The following ADCK5 variants were observed in gnomAD, a reference collection of about 807,000 sequenced individuals.
The protein encoded by ADCK5 is uncharacterized aarF domain-containing protein kinase 5.
A neutral mutation model predicts 64.9 loss-of-function variants in ADCK5; 43 were observed. The observed-to-expected ratio is 0.66, with a 90% CI of 0.52 to 0.85. The LOEUF (loss-of-function observed/expected upper bound fraction) is 0.85, where lower values mean the gene tolerates loss of function less well. Ranked by LOEUF, ADCK5 falls within the 40% of genes least tolerant of loss-of-function variation. The pLI is 0.00. For missense variants in ADCK5, 760 were observed against 810.5 expected (o/e 0.94, Z 0.76); for synonymous variants, 434 against 342.8 (o/e 1.27, Z -2.94).
At position 144,393,115 on chromosome 8, in the gene ADCK5, G is replaced by C. The variant is rs370327410; in HGVS notation, c.*41G>C. 4.0e-6 allele frequency: 6 copies of C among 1,488,942 alleles called. No individual in the cohort carries two copies. The highest frequency in any genetic ancestry group is 2.3e-5 in the Admixed American group (1 of 43,054). 92.2% of individuals were successfully genotyped at this position (1,488,942 alleles called of 1,614,324 possible). ...GGCCGGCGGGGCCCTTTTCACCTTG[G>C]GCTGACGGAGGTGGCGGGGCTAGAG... On this transcript the variant is annotated 3_prime_UTR_variant, in exon 15 of 15. Transcript: ENST00000308860.
In ADCK5 at chr8:144,391,634, G is replaced by A. The variant is rs1554860652; in HGVS notation, c.853G>A (p.Ala285Thr). 3.2e-6 allele frequency: 5 copies of A among 1,558,626 alleles called. No individual in the cohort carries two copies. Among genetic ancestry groups the A allele is most frequent in the South Asian group, 1.2e-5 (1 of 85,580 alleles). Reference sequence around the variant, plus strand: ...GGACTTCGAGAATGAGGGCCGCAACGCAGAGCGCTGTGCGCGGGAGCTGGC... The same window carrying A: ...GGACTTCGAGAATGAGGGCCGCAACACAGAGCGCTGTGCGCGGGAGCTGGC... The part of the protein sequence containing the change: ...ELDFENEGRN[A>T]ERCARELAHF... The change falls in exon 8 of 15, where the codon GCA becomes ACA. Residue 285 changes from alanine to threonine, a missense_variant. Physicochemically the swap from Ala to Thr is moderately conservative, Grantham distance 58. Around this residue, in one of 2 missense-constraint regions of ADCK5, gnomAD observed 427 missense variants for 518.4 expected, o/e 0.82. Transcript: ENST00000308860.
At chr8:144,389,347 C>T (rs1554859911) in intron 3 of ADCK5, 1 of 456,356 alleles carries the variant, frequency 2.2e-6, no homozygotes, top group Admixed American at 2.3e-5. Flanking sequence ...GTGACCTTGA[C>T]CCTCCTGTGA....
At chr8:144,383,042 T>TG (rs1246357732) in intron 2 of ADCK5, 39 bp from the exon 3 acceptor site, 15 of 1,567,748 alleles carry the variant, frequency 9.6e-6, no homozygotes, top group Admixed American at 1.9e-5. Flanking sequence ...CAGCTGAATG[T>TG]GGGGGGCGGC....
chr8:144,377,017 G>C (rs1819393051), intron 1 of ADCK5, among the ~76,000 whole-genome samples: 1 of 152,252 alleles, frequency 6.6e-6, no homozygotes, highest in Admixed American at 6.5e-5. Context: ...CCAGGGCTCT[G>C]AGCTCTGGCC....
Position 144,393,106 on chromosome 8 carries a change from T to C in ADCK5, c.*32T>C. On this transcript the variant is annotated 3_prime_UTR_variant, in exon 15 of 15. Transcript: ENST00000308860. ...GCCGCCCAGGGCCGGCGGGGCCCTT[T>C]TCACCTTGGGCTGACGGAGGTGGCG... The C allele has an allele frequency of 6.6e-7, 1 of 1,509,690 alleles. No individual in the cohort carries two copies. Among genetic ancestry groups the C allele is most frequent in the Non-Finnish European group, 8.8e-7 (1 of 1,131,514 alleles). The allele number at this position is 1,509,690 out of a possible 1,614,324, so 93.5% of individuals were successfully genotyped here.
At position 144,383,347 on chromosome 8, in the gene ADCK5, A is replaced by G. The variant is rs1819765934; in HGVS notation, c.266+117A>G. The G allele has an allele frequency of 4.0e-5, 55 of 1,375,512 alleles. No homozygotes were observed. In the South Asian group the frequency reaches 8.4e-4, roughly 21 times the overall value. 85.2% of individuals were successfully genotyped at this position (1,375,512 alleles called of 1,614,324 possible). A position where few individuals can be genotyped will look rare whatever the true frequency, so the allele number is the denominator to read the frequency against. ...AGGGGCGTGAGCCTGGGAGGCCTGCAGAGCTTGCTGAGGATTTTACAGCTG... is the reference window on the plus strand; with the variant it reads ...AGGGGCGTGAGCCTGGGAGGCCTGCGGAGCTTGCTGAGGATTTTACAGCTG... On this transcript the variant is annotated intron_variant, in intron 3 of 14. Transcript: ENST00000308860.
Position 144,391,223 on chromosome 8 carries a change from G to A in ADCK5, c.633G>A (p.Leu211=), listed in dbSNP as rs1554860422. 6.2e-7 allele frequency: 1 copy of A among 1,612,640 alleles called. No individual in the cohort carries two copies. The highest frequency in any genetic ancestry group is 2.2e-5 in the East Asian group (1 of 44,894). The part of the protein sequence containing the change: ...FDYQPIAAAS[L]AQVHRAKLHD... The stretch of plus-strand genomic sequence containing the variant: ...ACCAGCCAATTGCTGCCGCCAGCCT[G>A]GCACAGGTGCACAGAGCCAAGCTGC... Residue 211 remains leucine, a synonymous_variant, in exon 6 of 15, where the codon CTG becomes CTA. Transcript: ENST00000308860.
At position 144,392,513 on chromosome 8, in the gene ADCK5, C is replaced by T. The variant is rs540314346; in HGVS notation, c.1336C>T (p.Leu446=). The change falls in exon 13 of 15, where the codon CTA becomes TTA. Residue 446 remains leucine (L), a synonymous_variant. Coordinates refer to ENST00000308860, the MANE Select transcript of ADCK5 (RefSeq NM_174922.5). ...VRLGQLWGSH[L]LSREEAAYMV... ...CCTGGGGCAGCTGTGGGGCTCGCAC[C>T]TACTGAGCCGCGAAGAGGCGGCCTA... 3 of 1,544,740 alleles carry T rather than the reference C, an allele frequency of 1.9e-6. No individual in the cohort carries two copies. The highest frequency in any genetic ancestry group is 3.8e-5 in the Admixed American group (2 of 52,062).
chr8:144,381,643 T>C (rs1252896815), intron 2 of ADCK5, among the ~76,000 whole-genome samples: 1,748 of 95,588 alleles, frequency 0.018, no homozygotes, highest in Middle Eastern at 0.032. Context: ...ATGGGCCGGG[T>C]GTAGAAACAG....
At position 144,391,266 on chromosome 8, in the gene ADCK5, G is replaced by T; in HGVS notation, c.676G>T (p.Ala226Ser). The change falls in exon 6 of 15, where the codon GCT (alanine) becomes TCT (serine). Residue 226 changes from alanine to serine, a missense_variant. Around this residue, in one of 2 missense-constraint regions of ADCK5, gnomAD observed 427 missense variants for 518.4 expected, o/e 0.82. Coordinates refer to ENST00000308860, the MANE Select transcript of ADCK5 (RefSeq NM_174922.5). Reference protein sequence around the residue: ...RAKLHDGTSVAVKVQYIDLRD... With the variant: ...RAKLHDGTSVSVKVQYIDLRD... ...CAAGCTGCACGATGGCACCAGCGTG[G>T]CTGTGAAGGTATATGGGGGCTGCCT... 6.2e-7 allele frequency: 1 copy of T among 1,612,368 alleles called. No individual in the cohort carries two copies. Among genetic ancestry groups the T allele is most frequent in the Non-Finnish European group, 8.5e-7 (1 of 1,180,026 alleles).
In ADCK5 at chr8:144,383,087, C is replaced by A; in HGVS notation, c.123C>A (p.Ser41=). 3 of 1,587,938 alleles carry A rather than the reference C, an allele frequency of 1.9e-6. No homozygotes were observed. The highest frequency in any genetic ancestry group is 2.6e-6 in the Non-Finnish European group (3 of 1,167,238). Residue 41 remains serine (S), a synonymous_variant, in exon 3 of 15, where the codon TCC becomes TCA. Coordinates refer to ENST00000308860, the MANE Select transcript of ADCK5 (RefSeq NM_174922.5). Reference sequence around the variant, plus strand: ...CTGCATTGTCTCTCCTCAGGTTCTCCAGCCCCACACCCCTGTGGAGGAAGG... The same window carrying A: ...CTGCATTGTCTCTCCTCAGGTTCTCAAGCCCCACACCCCTGTGGAGGAAGG... ...RNVRGLPPRF[S]SPTPLWRKVL...
At chr8:144,375,157 G>A (rs1819313332) in intron 1 of ADCK5, among the ~76,000 whole-genome samples, 1 of 152,210 alleles carries the variant, frequency 6.6e-6, no homozygotes, top group Admixed American at 6.5e-5. Flanking sequence ...CTTCCCACGT[G>A]CAGGCCACTC....
intron 2 of ADCK5, among the ~76,000 whole-genome samples, chr8:144,382,860 C>T (rs1554858555): frequency 1.3e-5 from 2 of 152,256 alleles, no homozygotes; most frequent in African/African-American, 4.8e-5. Flanking sequence ...CTGAATGAGA[C>T]CTGCCCCTTA....
chr8:144,388,546 C>CCT (rs1339133751), intron 3 of ADCK5, among the ~76,000 whole-genome samples: 1 of 151,952 alleles, frequency 6.6e-6, no homozygotes, highest in Non-Finnish European at 1.5e-5. Flanking sequence ...GGGCGGATCA[C>CCT]GAGGTCGGGA....
Position 144,391,653 on chromosome 8 carries a change from A to G in ADCK5, c.872A>G (p.Glu291Gly), listed in dbSNP as rs782326417. The G allele has an allele frequency of 6.5e-7, 1 of 1,547,596 alleles. No individual in the cohort carries two copies. ...CGCAACGCAGAGCGCTGTGCGCGGG[A>G]GCTGGCGCACTTCCCCTACGTCGTG... ...EGRNAERCAR[E>G]LAHFPYVVVP... The change falls in exon 8 of 15, where the codon GAG becomes GGG. Residue 291 changes from glutamate to glycine, a missense_variant. Coordinates refer to ENST00000308860, the MANE Select transcript of ADCK5 (RefSeq NM_174922.5).
Position 144,390,717 on chromosome 8 carries a change from A to G in ADCK5, c.313A>G (p.Thr105Ala). Residue 105 changes from threonine to alanine, a missense_variant, in exon 4 of 15, where the codon ACC becomes GCC. Thr to Ala is a moderately conservative substitution (Grantham distance 58). Transcript: ENST00000308860. ...LQISLDYWWC[T>A]NVVLRGVEEN... ...GATCTCCCTGGACTACTGGTGGTGC[A>G]CCAATGTTGTCCTTCGAGGGGTGGA... is the stretch of plus-strand genomic sequence containing the variant. 6.2e-7 allele frequency: 1 copy of G among 1,613,910 alleles called. No individual in the cohort carries two copies. The highest frequency in any genetic ancestry group is 1.7e-5 in the Admixed American group (1 of 60,016).
In ADCK5 at chr8:144,390,871, T is replaced by G. The variant is rs1820187594; in HGVS notation, c.358T>G (p.Leu120Val). 6.2e-7 allele frequency: 1 copy of G among 1,612,868 alleles called. No homozygotes were observed. Among genetic ancestry groups the G allele is most frequent in the Non-Finnish European group, 8.5e-7 (1 of 1,179,958 alleles). Residue 120 changes from leucine (L) to valine (V), a missense_variant, in exon 5 of 15, where the codon TTG becomes GTG. Physicochemically the swap from Leu to Val is conservative, Grantham distance 32. Transcript: ENST00000308860. The part of the protein sequence containing the change: ...RGVEENSPGY[L>V]EVMSACHQRA... ...CTGTGGTCAGAACAGCCCAGGCTACTTGGAGGTGATGTCTGCGTGTCACCA... is the reference window on the plus strand; with the variant it reads ...CTGTGGTCAGAACAGCCCAGGCTACGTGGAGGTGATGTCTGCGTGTCACCA...
chr8:144,375,126 G>C (rs1819312383), intron 1 of ADCK5, among the ~76,000 whole-genome samples: 1 of 152,224 alleles, frequency 6.6e-6, no homozygotes, highest in South Asian at 2.1e-4. Flanking sequence ...CTTCAGTGCA[G>C]CTCCTTCCAG....
chr8:144,387,766 T>C (rs1207119337), intron 3 of ADCK5, among the ~76,000 whole-genome samples: 1 of 150,536 alleles, frequency 6.6e-6, no homozygotes, highest in East Asian at 2.0e-4. Context: ...AGTTTCACTC[T>C]TGTTGCCCAG....
Sources: gnomAD v4.1 joint callset for allele counts (sites outside exome capture counted in the v4.1 genomes callset) on GRCh38, gnomAD v4.1.1 for gene constraint, gnomAD v4.1.1 regional missense constraint, MANE v1.5 for transcripts, NCBI Gene and HGNC (gene_info 2026-07-23, HGNC 2026-07-21) for gene names.